PDE4D: variants seen among roughly 807,000 people sequenced by gnomAD.
PDE4D encodes 3',5'-cyclic-AMP phosphodiesterase 4D.
In PDE4D, 24 loss-of-function variants were observed where a neutral mutation model predicts 87.4. The observed-to-expected ratio is 0.27, with a 90% CI of 0.20 to 0.39. PDE4D has a LOEUF of 0.39. PDE4D is among the 10% of genes least tolerant of loss of function. The pLI is 1.00. For synonymous variants in PDE4D, 384 were observed against 383.2 expected, an observed-to-expected ratio of 1.00 and a Z score of -0.02; for missense variants, 714 against 1,041.0, an observed-to-expected ratio of 0.69 and a Z score of 4.32.
intron 2 of PDE4D, among the ~76,000 whole-genome samples, chr5:60,134,664 C>A (rs889085197): frequency 6.6e-6 from 1 of 152,320 alleles, no homozygotes; most frequent in Admixed American, 6.5e-5. Context: ...CACATCCTCT[C>A]ATATATTTTA....
In PDE4D at chr5:60,308,759, T is replaced by C. The variant is rs1397274210; in HGVS notation, c.-89-123072A>G. 3.9e-5 allele frequency among the ~76,000 whole-genome samples: 6 copies of C among 152,180 alleles called. No individual in the cohort carries two copies. In the East Asian group the frequency reaches 9.6e-4, roughly 24 times the overall value. ...TTTTCACAACCAGTTTTTCTCTGGG[T>C]TCCAAGATAATTCAGATGGCAAAAC... On this transcript the variant is annotated intron_variant, in intron 1 of 16. Coordinates refer to the PDE4D transcript ENST00000502484.
At chr5:59,483,522 A>G (rs1804606397) in intron 1 of PDE4D, among the ~76,000 whole-genome samples, 1 of 151,896 alleles carries the variant, frequency 6.6e-6, no homozygotes, top group East Asian at 1.9e-4. Context: ...TTTTTCTTAC[A>G]ATTTTATTTT....
At chr5:59,941,119 T>A (rs1401172943) in intron 3 of PDE4D, among the ~76,000 whole-genome samples, 1 of 152,230 alleles carries the variant, frequency 6.6e-6, no homozygotes, top group Non-Finnish European at 1.5e-5. Flanking sequence ...ATTATTTTAA[T>A]AAGTATATTT....
chr5:59,355,608 TAACA>T (rs897839218), intron 1 of PDE4D, among the ~76,000 whole-genome samples: 8 of 152,160 alleles, frequency 5.3e-5, no homozygotes, highest in Non-Finnish European at 8.8e-5. Context: ...GTAACAAACA[TAACA>T]AATAAATCAT....
intron 1 of PDE4D, among the ~76,000 whole-genome samples, chr5:60,266,701 A>G (rs1327987655): frequency 6.6e-6 from 1 of 152,216 alleles, no homozygotes; most frequent in East Asian, 1.9e-4. Context: ...TATACAATCT[A>G]GTCAATAAGT....
intron 1 of PDE4D, among the ~76,000 whole-genome samples, chr5:59,391,539 C>A (rs1391495985): frequency 6.6e-6 from 1 of 152,116 alleles, no homozygotes; most frequent in African/African-American, 2.4e-5. Context: ...TCTCTTTCTT[C>A]CCTTATTCCC....
chr5:59,409,951 G>GTA (rs1451631493), intron 1 of PDE4D, among the ~76,000 whole-genome samples: 1 of 151,992 alleles, frequency 6.6e-6, no homozygotes, highest in Non-Finnish European at 1.5e-5. Flanking sequence ...TGAGTACATA[G>GTA]TAAGTATATG....
intron 2 of PDE4D, among the ~76,000 whole-genome samples, chr5:60,104,037 C>T (rs926886276): frequency 4.6e-5 from 7 of 151,578 alleles, no homozygotes; most frequent in South Asian, 4.2e-4. Context: ...ACACTGTGTG[C>T]GAGCCGAAGC....
At chr5:59,370,566 G>A (rs570681338) in intron 1 of PDE4D, among the ~76,000 whole-genome samples, 9 of 152,190 alleles carry the variant, frequency 5.9e-5, no homozygotes, top group East Asian at 1.9e-4. Context: ...AATCACACTC[G>A]TATTACTATT....
chr5:59,896,101 A>G (rs1375398823), upstream of PDE4D, among the ~76,000 whole-genome samples: 1 of 152,144 alleles, frequency 6.6e-6, no homozygotes, highest in African/African-American at 2.4e-5. Context: ...TTGAGTTCCA[A>G]TCTACCACTT....
intron 1 of PDE4D, among the ~76,000 whole-genome samples, chr5:59,740,878 C>T (rs1758732273): frequency 6.6e-6 from 1 of 152,148 alleles, no homozygotes; most frequent in African/African-American, 2.4e-5. Flanking sequence ...TCTAGATTTA[C>T]AGTAAATTTA....
intron 1 of PDE4D, among the ~76,000 whole-genome samples, chr5:59,804,223 C>T (rs1767485182): frequency 6.6e-6 from 1 of 152,182 alleles, no homozygotes; most frequent in Non-Finnish European, 1.5e-5. Context: ...CATTCTTATG[C>T]CTTTGTATCC....
chr5:59,988,732 C>G, intron 2 of PDE4D: 5 of 1,427,360 alleles, frequency 3.5e-6, no homozygotes, highest in Admixed American at 1.7e-5. Context: ...GGTAATAATT[C>G]AAGAAAGTAC....
chr5:59,757,287 A>G (rs944714953), intron 1 of PDE4D, among the ~76,000 whole-genome samples: 2 of 152,198 alleles, frequency 1.3e-5, no homozygotes, highest in African/African-American at 4.8e-5. Flanking sequence ...ACGAAAACCA[A>G]AAGTCAGACC....
chr5:59,352,173 A>G (rs1360165915), intron 1 of PDE4D, among the ~76,000 whole-genome samples: 1 of 152,184 alleles, frequency 6.6e-6, no homozygotes, highest in Non-Finnish European at 1.5e-5. Context: ...TAAGTGTCCA[A>G]TACAAACTAG....
At chr5:59,711,871 C>T (rs1414562047) in intron 1 of PDE4D, among the ~76,000 whole-genome samples, 2 of 152,050 alleles carry the variant, frequency 1.3e-5, no homozygotes, top group African/African-American at 4.8e-5. Flanking sequence ...ATGAAATTTT[C>T]TTTGGTAAGG....
intron 1 of PDE4D, among the ~76,000 whole-genome samples, chr5:60,282,206 A>T (rs867284526): frequency 6.7e-5 from 5 of 74,904 alleles, no homozygotes; most frequent in Non-Finnish European, 9.6e-5. Flanking sequence ...GAGAGAAATA[A>T]ACATATATAT....
chr5:60,319,737 C>G (rs1756025665), intron 1 of PDE4D, among the ~76,000 whole-genome samples: 1 of 152,224 alleles, frequency 6.6e-6, no homozygotes, highest in African/African-American at 2.4e-5. Context: ...TTGGAGTTTG[C>G]TGGAGGTCCA....
chr5:60,232,432 G>A lies in PDE4D; in HGVS notation c.-89-46745C>T, dbSNP rs529742606. ...GTCAGTTCTTCTTGGATTATGATCA[G>A]TAATAATTCTCCTGGCACTGCAGCA... On this transcript the variant is annotated intron_variant, in intron 1 of 16. Transcript: ENST00000502484. Among the ~76,000 whole-genome samples the A allele has an allele frequency of 2.6e-5, 4 of 151,950 alleles. No homozygotes were observed. The South Asian group carries it at 8.3e-4, about 31-fold the overall frequency.
Sources: gnomAD v4.1 joint callset for allele counts (sites outside exome capture counted in the v4.1 genomes callset) on GRCh38, gnomAD v4.1.1 for gene constraint, MANE v1.5 for transcripts, NCBI Gene and HGNC (gene_info 2026-07-23, HGNC 2026-07-21) for gene names.